Variants in KCND3 observed in about 807,000 individuals in gnomAD.
KCND3 encodes A-type voltage-gated potassium channel KCND3.
KCND3 carries 9 observed loss-of-function variants against 51.1 expected under a neutral mutation model. The ratio of observed to expected loss-of-function variants is 0.18; its 90% CI spans 0.11 to 0.31. The LOEUF (loss-of-function observed/expected upper bound fraction) is 0.31, where lower values mean the gene tolerates loss of function less well. KCND3 is among the 10% of genes least tolerant of loss of function. The pLI, the probability that KCND3 is intolerant of heterozygous loss-of-function variation, is 1.00. For synonymous variants in KCND3, 349 were observed against 368.0 expected (o/e 0.95, Z 0.59); for missense variants, 526 against 903.8 (o/e 0.58, Z 5.36).
chr1:111,792,974 A>G (rs1349698956), intron 2 of KCND3, among the ~76,000 whole-genome samples: 1 of 150,480 alleles, frequency 6.6e-6, no homozygotes, highest in Non-Finnish European at 1.5e-5. Flanking sequence ...AGCTCAAGTG[A>G]TCCTCCCACC....
chr1:111,795,725 T>C (rs975141115), intron 2 of KCND3, among the ~76,000 whole-genome samples: 5 of 152,244 alleles, frequency 3.3e-5, no homozygotes, highest in African/African-American at 1.2e-4. Context: ...CTGGGTCGAA[T>C]GGTATTTCTG....
At chr1:111,872,118 C>T (rs1278128016) in intron 2 of KCND3, among the ~76,000 whole-genome samples, 2 of 152,234 alleles carry the variant, frequency 1.3e-5, no homozygotes, top group African/African-American at 4.8e-5. Context: ...ATTGTAAACA[C>T]TTCACATGTA....
At chr1:111,874,477 A>G (rs1341775521) in intron 2 of KCND3, among the ~76,000 whole-genome samples, 2 of 152,196 alleles carry the variant, frequency 1.3e-5, no homozygotes, top group Non-Finnish European at 2.9e-5. Context: ...CCTGTGGTCT[A>G]CCAAGAGGGC....
rs199814088 is a variant in KCND3, at chr1:111,981,600, C to A, written c.1106+21G>T. ...TGCCCTCCAACCTCCGTCCTGGTTT[C>A]ATCCACCAGCGCTGACTTACCCCAG... On this transcript the variant is annotated intron_variant, in intron 2 of 7. Coordinates refer to ENST00000302127, the MANE Select transcript of KCND3 (RefSeq NM_001378969.1). This position sits in a 1 kb window ranked among gnomAD's most constrained non-coding sequence, Gnocchi z 6.2. 2 of 1,614,068 alleles carry A rather than the reference C, an allele frequency of 1.2e-6. No individual in the cohort carries two copies. Among genetic ancestry groups the A allele is most frequent in the Admixed American group, 3.3e-5 (2 of 60,022 alleles).
chr1:111,794,363 C>T (rs1027519310), intron 2 of KCND3, among the ~76,000 whole-genome samples: 1 of 152,196 alleles, frequency 6.6e-6, no homozygotes, highest in Non-Finnish European at 1.5e-5. Context: ...CAGGTGGGGG[C>T]ACGGCTGCCT....
At chr1:111,787,190 T>C in intron 2 of KCND3, 84 bp from the exon 3 acceptor site, 1 of 1,377,592 alleles carries the variant, frequency 7.3e-7, no homozygotes, top group Non-Finnish European at 1.0e-6. Flanking sequence ...CATTCACCTG[T>C]TTATTCATTC....
intron 2 of KCND3, among the ~76,000 whole-genome samples, chr1:111,969,605 A>C (rs1379467170): frequency 6.6e-6 from 1 of 152,238 alleles, no homozygotes; most frequent in African/African-American, 2.4e-5. Context: ...AATACGTAAA[A>C]ATAATTAATA....
intron 2 of KCND3, among the ~76,000 whole-genome samples, chr1:111,818,039 T>TACACACAC (rs1666175242): frequency 1.1e-5 from 1 of 94,724 alleles, no homozygotes; most frequent in African/African-American, 4.3e-5. Context: ...CACACGCGCG[T>TACACACAC]GCACACACAC....
chr1:111,930,472 C>T (rs1224736584), intron 2 of KCND3, among the ~76,000 whole-genome samples: 1 of 152,234 alleles, frequency 6.6e-6, no homozygotes, highest in Non-Finnish European at 1.5e-5. Context: ...GGATGGATAA[C>T]TGAATCAGTG....
At chr1:111,844,567 T>A (rs116469758) in intron 2 of KCND3, among the ~76,000 whole-genome samples, 1 of 152,148 alleles carries the variant, frequency 6.6e-6, no homozygotes, top group Non-Finnish European at 1.5e-5. Context: ...CTGACTATCC[T>A]CTGGAAACAC....
chr1:111,972,828 C>G (rs1336007569), intron 2 of KCND3, among the ~76,000 whole-genome samples: 2 of 152,338 alleles, frequency 1.3e-5, no homozygotes, highest in East Asian at 3.9e-4. Context: ...GCAAATTCAA[C>G]TGGATGTTGA....
chr1:111,968,596 G>A (rs1276098810), intron 2 of KCND3, among the ~76,000 whole-genome samples: 1 of 152,174 alleles, frequency 6.6e-6, no homozygotes. Flanking sequence ...TCTCCAGGAG[G>A]ATCTTCCTCC....
In KCND3 at chr1:111,989,625, C is replaced by T. The variant is rs1571953838; in HGVS notation, c.-193G>A. The T allele has an allele frequency of 6.7e-6, 1 of 148,350 alleles. No homozygotes were observed. The highest frequency in any genetic ancestry group is 1.5e-5 in the Non-Finnish European group (1 of 66,216). 9.2% of individuals were successfully genotyped at this position (148,350 alleles called of 1,614,324 possible). On this transcript the variant is annotated 5_prime_UTR_variant, in exon 1 of 8. Coordinates refer to ENST00000302127, the MANE Select transcript of KCND3 (RefSeq NM_001378969.1). Reference sequence around the variant, plus strand: ...GCAGCGCGGGGAAGCGCCCAGCAGCCGCCGCTCGCGCGGCTCCTCCTCGCC... The same window carrying T: ...GCAGCGCGGGGAAGCGCCCAGCAGCTGCCGCTCGCGCGGCTCCTCCTCGCC...
chr1:111,985,586 C>T (rs1675230587), intron 1 of KCND3, among the ~76,000 whole-genome samples: 1 of 152,198 alleles, frequency 6.6e-6, no homozygotes, highest in East Asian at 1.9e-4. Flanking sequence ...TTCCCATCAA[C>T]TTTACTCTAT....
intron 2 of KCND3, among the ~76,000 whole-genome samples, chr1:111,944,517 C>T (rs1288804464): frequency 4.6e-5 from 7 of 152,202 alleles, no homozygotes; most frequent in East Asian, 1.9e-4. Flanking sequence ...AGGTGAAGCC[C>T]GGCCAGCCAT....
At chr1:111,986,182 G>A (rs774221543) in intron 1 of KCND3, among the ~76,000 whole-genome samples, 3 of 152,188 alleles carry the variant, frequency 2.0e-5, no homozygotes, top group Admixed American at 6.5e-5. Flanking sequence ...ATTCAGAGTT[G>A]GTTAACATTT....
rs1674066237 is a variant in KCND3 at position 111,967,409 on chromosome 1, A to T, written c.1106+14212T>A. ...TCCCTCTCCTGGCCCAACGAGAGGC[A>T]TCCAGGGAGCTGAATTCACAGTTCC... On this transcript the variant is annotated intron_variant, in intron 2 of 7. Coordinates refer to ENST00000302127, the MANE Select transcript of KCND3 (RefSeq NM_001378969.1). Among the ~76,000 whole-genome samples the T allele has an allele frequency of 2.0e-5, 3 of 152,132 alleles. No homozygotes were observed. In the South Asian group the frequency reaches 6.2e-4, roughly 32 times the overall value.
At chr1:111,963,317 A>C (rs1673775561) in intron 2 of KCND3, among the ~76,000 whole-genome samples, 1 of 152,236 alleles carries the variant, frequency 6.6e-6, no homozygotes, top group Non-Finnish European at 1.5e-5. Context: ...TCCTAAGGAG[A>C]ATATTGTGAA....
chr1:111,919,022 C>T (rs1211773120), intron 2 of KCND3, among the ~76,000 whole-genome samples: 1 of 151,770 alleles, frequency 6.6e-6, no homozygotes, highest in East Asian at 1.9e-4. Context: ...GGACCTGGTG[C>T]TGAGCTGTGC....
Sources: allele counts gnomAD v4.1 joint callset (sites outside exome capture counted in the v4.1 genomes callset), GRCh38; gene constraint gnomAD v4.1.1; non-coding constraint Gnocchi (gnomAD v3.1); transcripts MANE v1.5; gene names NCBI Gene and HGNC (gene_info 2026-07-23, HGNC 2026-07-21).